The following DNAJC1 variants were observed in gnomAD, a reference collection of about 807,000 sequenced individuals.
The protein encoded by DNAJC1 is dnaJ homolog subfamily C member 1.
Under a neutral mutation model 76.6 loss-of-function variants are expected in DNAJC1, and 58 were observed. That is an observed-to-expected ratio of 0.76 (90% confidence interval 0.61 to 0.94). The LOEUF (loss-of-function observed/expected upper bound fraction) is 0.94. Among genes scored for constraint, DNAJC1 ranks in the 40% least tolerant of loss-of-function variants. The pLI, the probability that DNAJC1 is intolerant of heterozygous loss-of-function variation, is 0.00. For synonymous variants in DNAJC1, 258 were observed against 267.9 expected (o/e 0.96, Z 0.36); for missense variants, 689 against 677.3 (o/e 1.02, Z -0.19).
intron 8 of DNAJC1, among the ~76,000 whole-genome samples, chr10:21,859,919 G>C (rs946552667): frequency 1.3e-5 from 2 of 152,020 alleles, no homozygotes; most frequent in African/African-American, 4.8e-5. Flanking sequence ...CAGTAGCTGG[G>C]ATTACAGGCA....
intron 1 of DNAJC1, among the ~76,000 whole-genome samples, chr10:21,966,790 A>G (rs777371198): frequency 6.6e-6 from 1 of 151,124 alleles, no homozygotes; most frequent in Non-Finnish European, 1.5e-5. Context: ...GATTCAAACA[A>G]TTCTCCTGCC....
At chr10:21,935,473 C>G (rs907522258) in intron 1 of DNAJC1, among the ~76,000 whole-genome samples, 1 of 151,942 alleles carries the variant, frequency 6.6e-6, no homozygotes, top group Non-Finnish European at 1.5e-5. Context: ...TGAACAAAGC[C>G]TAAGAGACCT....
chr10:22,003,494 G>C lies in DNAJC1; in HGVS notation c.-60C>G. 1 of 1,305,586 alleles carries C rather than the reference G, an allele frequency of 7.7e-7. No individual in the cohort carries two copies. The highest frequency in any genetic ancestry group is 9.7e-7 in the Non-Finnish European group (1 of 1,033,362). The allele number at this position is 1,305,586 out of a possible 1,614,324, so 80.9% of individuals were successfully genotyped here. Reference sequence around the variant, plus strand: ...CTCCGTTGGCCGAGAGCTGGGACGTGGCGGGCGGCGCTGGCTGTGGGGAAC... The same window carrying C: ...CTCCGTTGGCCGAGAGCTGGGACGTCGCGGGCGGCGCTGGCTGTGGGGAAC... On this transcript the variant is annotated 5_prime_UTR_variant, in exon 1 of 12. Transcript: ENST00000376980.
intron 8 of DNAJC1, among the ~76,000 whole-genome samples, chr10:21,812,350 C>T (rs1834981261): frequency 6.6e-6 from 1 of 152,180 alleles, no homozygotes; most frequent in Non-Finnish European, 1.5e-5. Context: ...AGCCACTGCG[C>T]CCAGCCAGAC....
intron 9 of DNAJC1, among the ~76,000 whole-genome samples, chr10:21,801,827 G>A (rs991639069): frequency 2.6e-5 from 4 of 152,150 alleles, no homozygotes; most frequent in Non-Finnish European, 4.4e-5. Context: ...ATGAGCTCAT[G>A]TCTTTTGTGG....
intron 1 of DNAJC1, among the ~76,000 whole-genome samples, chr10:21,999,732 C>T (rs2131854998): frequency 6.6e-6 from 1 of 152,292 alleles, no homozygotes; most frequent in South Asian, 2.1e-4. Flanking sequence ...GGATTACAGG[C>T]GTGAGCCACC....
At chr10:21,852,506 G>C (rs1042345518) in intron 8 of DNAJC1, among the ~76,000 whole-genome samples, 1 of 152,090 alleles carries the variant, frequency 6.6e-6, no homozygotes, top group Non-Finnish European at 1.5e-5. Flanking sequence ...AACTCTTATA[G>C]CAACAATAAA....
At chr10:21,867,227 A>G (rs1267191386) in intron 8 of DNAJC1, among the ~76,000 whole-genome samples, 1 of 152,096 alleles carries the variant, frequency 6.6e-6, no homozygotes. Flanking sequence ...GGTTCTTTGA[A>G]AAGACCAGTA....
intron 8 of DNAJC1, among the ~76,000 whole-genome samples, chr10:21,820,906 C>T (rs779402889): frequency 2.1e-4 from 32 of 152,174 alleles, no homozygotes; most frequent in Non-Finnish European, 4.1e-4. Flanking sequence ...TTTCTGGGCA[C>T]GCCACCCTCC....
chr10:21,786,456 A>G, intron 9 of DNAJC1, among the ~76,000 whole-genome samples: 1 of 115,874 alleles, frequency 8.6e-6, no homozygotes, highest in Non-Finnish European at 1.8e-5. Flanking sequence ...ATATATATAT[A>G]TATATATAGA....
In DNAJC1 at chr10:21,908,113, T is replaced by A. The variant is rs867443951; in HGVS notation, c.730-3501A>T. 2.8e-3 allele frequency among the ~76,000 whole-genome samples: 298 copies of A among 106,692 alleles called. 2 individuals are homozygous for A. The highest frequency in any genetic ancestry group is 9.3e-3 in the African/African-American group (237 of 25,502). The allele number at this position is 106,692 out of a possible 152,430, so 70.0% of individuals were successfully genotyped here. The stretch of plus-strand genomic sequence containing the variant: ...TATAAAATATATATAATATATAAAA[T>A]ATATATATAATATATAATATATAAA... On this transcript the variant is annotated intron_variant, in intron 6 of 11. Coordinates refer to ENST00000376980, the MANE Select transcript of DNAJC1 (RefSeq NM_022365.4).
intron 8 of DNAJC1, among the ~76,000 whole-genome samples, chr10:21,810,784 C>G (rs1248722303): frequency 6.6e-6 from 1 of 152,162 alleles, no homozygotes; most frequent in African/African-American, 2.4e-5. Context: ...TATGGTGCCT[C>G]CTGGTGGATT....
At chr10:21,901,047 CT>C (rs1171023872) in intron 7 of DNAJC1, among the ~76,000 whole-genome samples, 1 of 152,190 alleles carries the variant, frequency 6.6e-6, no homozygotes, top group Non-Finnish European at 1.5e-5. Context: ...TCGCTAAGTG[CT>C]TCATCCTACA....
chr10:21,986,985 C>T (rs1163023592), intron 1 of DNAJC1, among the ~76,000 whole-genome samples: 1 of 152,104 alleles, frequency 6.6e-6, no homozygotes, highest in Non-Finnish European at 1.5e-5. Flanking sequence ...CCAGGCTGGT[C>T]TCAAACTCCT....
At chr10:21,813,583 G>C (rs1270322044) in intron 8 of DNAJC1, among the ~76,000 whole-genome samples, 1 of 151,982 alleles carries the variant, frequency 6.6e-6, no homozygotes, top group African/African-American at 2.4e-5. Context: ...ATTTTTAGTA[G>C]AGATGGTGTT....
At chr10:21,837,006 C>T (rs1290309006) in intron 8 of DNAJC1, among the ~76,000 whole-genome samples, 2 of 152,238 alleles carry the variant, frequency 1.3e-5, no homozygotes, top group African/African-American at 4.8e-5. Context: ...ACTGCAACCT[C>T]CCTGCCTGAT....
intron 9 of DNAJC1, among the ~76,000 whole-genome samples, chr10:21,799,132 T>G (rs370495283): frequency 1.3e-5 from 2 of 152,234 alleles, no homozygotes; most frequent in African/African-American, 4.8e-5. Context: ...AAAACCATCA[T>G]GTAAGATATT....
At position 21,904,612 on chromosome 10, in the gene DNAJC1, C is replaced by A; in HGVS notation, c.730G>T (p.Asp244Tyr). The change falls in exon 7 of 12, where the codon GAT becomes TAT. Residue 244 changes from aspartate (D) to tyrosine (Y), a missense_variant and splice_region_variant. Physicochemically the swap from Asp to Tyr is radical, Grantham distance 160 (BLOSUM62 -3). Transcript: ENST00000376980. ...TLKALPHLIQ[D>Y]AGQFYAKYKE... is the part of the protein sequence containing the mutation. ...TATTTAGCATAAAACTGCCCAGCAT[C>A]CTTAAGAAAAAAAGTTATACATAAA... 6.3e-7 allele frequency: 1 copy of A among 1,583,002 alleles called. No individual in the cohort carries two copies. Among genetic ancestry groups the A allele is most frequent in the Non-Finnish European group, 8.6e-7 (1 of 1,162,692 alleles).
intron 3 of DNAJC1, 148 bp from the exon 4 acceptor site, chr10:21,921,111 TA>T (rs1837036260): frequency 9.6e-6 from 7 of 728,298 alleles, no homozygotes; most frequent in African/African-American, 1.8e-5. Flanking sequence ...TAATATCGAG[TA>T]AATTCAAAGC....
Sources: allele counts gnomAD v4.1 joint callset (sites outside exome capture counted in the v4.1 genomes callset), GRCh38; gene constraint gnomAD v4.1.1; transcripts MANE v1.5; gene names NCBI Gene and HGNC (gene_info 2026-07-23, HGNC 2026-07-21).